OR51B5: variants seen among roughly 807,000 people sequenced by gnomAD.
OR51B5 encodes olfactory receptor 51B5.
For missense variants in OR51B5, 456 were observed against 374.6 expected (o/e 1.22, Z -1.79); for synonymous variants, 186 against 144.8 (o/e 1.28, Z -2.04).
At chr11:5,454,548 G>T in intron 1 of OR51B5, 7 of 783,590 alleles carry the variant, frequency 8.9e-6, no homozygotes, top group Non-Finnish European at 1.4e-5. Flanking sequence ...GCCAGGAGAT[G>T]GTGATGCAAA....
chr11:5,411,600 G>A (rs1850150382), intron 1 of OR51B5, among the ~76,000 whole-genome samples: 1 of 152,162 alleles, frequency 6.6e-6, no homozygotes, highest in Non-Finnish European at 1.5e-5. Flanking sequence ...ACCCCTGTAA[G>A]AAAAGTCCAC....
intron 1 of OR51B5, among the ~76,000 whole-genome samples, chr11:5,430,463 C>T (rs1222707220): frequency 6.6e-6 from 1 of 152,172 alleles, no homozygotes; most frequent in Non-Finnish European, 1.5e-5. Context: ...CAGAGACACA[C>T]ATACACAAAT....
chr11:5,471,797 C>T (rs1048728909), intron 1 of OR51B5, among the ~76,000 whole-genome samples: 2 of 152,122 alleles, frequency 1.3e-5, no homozygotes, highest in East Asian at 1.9e-4. Flanking sequence ...TACATACAAG[C>T]TGTGAATTTA....
intron 1 of OR51B5, among the ~76,000 whole-genome samples, chr11:5,478,077 G>C (rs1851344988): frequency 1.3e-5 from 2 of 151,810 alleles, no homozygotes; most frequent in African/African-American, 2.4e-5. Context: ...CAAACAAAAA[G>C]ACAGCAGTAA....
At chr11:5,372,754 G>T (rs1220413344) in intron 1 of OR51B5, among the ~76,000 whole-genome samples, 2 of 152,056 alleles carry the variant, frequency 1.3e-5, no homozygotes, top group African/African-American at 4.8e-5. Flanking sequence ...TATTTAGTTT[G>T]ATGTTGCTCC....
chr11:5,443,295 A>G (rs893801703), intron 1 of OR51B5, among the ~76,000 whole-genome samples: 3 of 152,120 alleles, frequency 2.0e-5, no homozygotes, highest in East Asian at 1.9e-4. Flanking sequence ...TCATATCGAG[A>G]TATCAGTCAT....
At chr11:5,350,986 G>T (rs552247458) in intron 1 of OR51B5, among the ~76,000 whole-genome samples, 122 of 152,204 alleles carry the variant, frequency 8.0e-4, no homozygotes, top group African/African-American at 2.9e-3. Flanking sequence ...TCTTACTTGT[G>T]TATTTGTTTT....
Position 5,440,611 on chromosome 11 carries a change from G to A in OR51B5, n.84+64958C>T, listed in dbSNP as rs61736831. 2,893 of 1,613,588 alleles carry A rather than the reference G, an allele frequency of 1.8e-3. 2 individuals are homozygous for A. Among genetic ancestry groups the A allele is most frequent in the Non-Finnish European group, 2.0e-3 (2,317 of 1,179,712 alleles). ...TGGAAGAACTTGAGAATCCCTTTGC[G>A]GATCTCCTTGGTTTTCACACTGTAG... On this transcript the variant is annotated intron_variant and non_coding_transcript_variant, in intron 1 of 4. Transcript: ENST00000415970.
upstream of OR51B5, among the ~76,000 whole-genome samples, chr11:5,345,165 A>G (rs1043740564): frequency 6.6e-6 from 1 of 152,206 alleles, no homozygotes; most frequent in Non-Finnish European, 1.5e-5. Flanking sequence ...TAAATGTAGT[A>G]AAGACATTAG....
At position 5,422,229 on chromosome 11, in the gene OR51B5, A is replaced by G. The variant is rs753532632; in HGVS notation, n.85-75319T>C. ...TCCCAGGTGACTAACACCACACAAG[A>G]AGGCATCTACTTCATCCTCACGGAC... On this transcript the variant is annotated intron_variant and non_coding_transcript_variant, in intron 1 of 4. Transcript: ENST00000415970. The G allele has an allele frequency of 3.2e-5, 51 of 1,612,754 alleles. No individual in the cohort carries two copies. The highest frequency in any genetic ancestry group is 1.8e-4 in the Admixed American group (11 of 59,970).
chr11:5,444,214 C>T (rs1445185887), intron 1 of OR51B5, among the ~76,000 whole-genome samples: 1 of 150,328 alleles, frequency 6.7e-6, no homozygotes, highest in Non-Finnish European at 1.5e-5. Flanking sequence ...GAAAATCCAG[C>T]TAAGATTGAC....
intron 1 of OR51B5, chr11:5,430,805 C>T (rs1257451062): frequency 2.2e-6 from 1 of 457,250 alleles, no homozygotes; most frequent in Non-Finnish European, 4.4e-6. Context: ...GCATGTTTGG[C>T]AGCACGATGC....
intron 1 of OR51B5, among the ~76,000 whole-genome samples, chr11:5,364,006 C>T (rs1275922111): frequency 6.6e-6 from 1 of 152,136 alleles, no homozygotes. Flanking sequence ...GGCTTCACAA[C>T]AGTGTAGTGA....
chr11:5,427,762 A>G lies in OR51B5; in HGVS notation n.84+77807T>C, dbSNP rs1008582918. On this transcript the variant is annotated intron_variant and non_coding_transcript_variant, in intron 1 of 4. Coordinates refer to the OR51B5 transcript ENST00000415970. Reference sequence around the variant, plus strand: ...AAACCTAAAACTTCTGGTAATTAAAATGTTTTTCTACCATTATATTTCATA... The same window carrying G: ...AAACCTAAAACTTCTGGTAATTAAAGTGTTTTTCTACCATTATATTTCATA... Among the ~76,000 whole-genome samples, 36 of 152,186 alleles carry G rather than the reference A, an allele frequency of 2.4e-4. 1 individual carries two copies. The highest frequency in any genetic ancestry group is 2.3e-3 in the Admixed American group (35 of 15,272).
chr11:5,456,046 T>C (rs1414213484), intron 1 of OR51B5: 1 of 152,234 alleles, frequency 6.6e-6, no homozygotes, highest in African/African-American at 2.4e-5. Flanking sequence ...ATAATTTTAA[T>C]GCTTTGATAT....
intron 1 of OR51B5, among the ~76,000 whole-genome samples, chr11:5,473,137 G>C (rs577063556): frequency 6.6e-6 from 1 of 152,182 alleles, no homozygotes; most frequent in South Asian, 2.1e-4. Flanking sequence ...TACACATCTT[G>C]GCATATTTGA....
chr11:5,382,092 A>G (rs557632056), intron 1 of OR51B5, among the ~76,000 whole-genome samples: 112 of 152,328 alleles, frequency 7.4e-4, no homozygotes, highest in African/African-American at 2.5e-3. Flanking sequence ...TTTAAACCCA[A>G]CCATCAAAAT....
chr11:5,435,553 C>A (rs1498484), intron 1 of OR51B5, among the ~76,000 whole-genome samples: 139,673 of 151,852 alleles, frequency 0.92, 64,323 homozygotes, highest in Non-Finnish European at 0.95. Context: ...GGTCAAATAC[C>A]TAACAGATGC....
At chr11:5,441,304 TG>T in intron 1 of OR51B5, 1 of 1,613,884 alleles carries the variant, frequency 6.2e-7, no homozygotes, top group East Asian at 2.2e-5. Flanking sequence ...CCCAGATCAT[TG>T]AGAGCGAGCA....
Sources: gnomAD v4.1 joint callset for allele counts (sites outside exome capture counted in the v4.1 genomes callset) on GRCh38, gnomAD v4.1.1 for gene constraint, MANE v1.5 for transcripts, NCBI Gene and HGNC (gene_info 2026-07-23, HGNC 2026-07-21) for gene names.